Variants in MYO3B observed in about 807,000 individuals in gnomAD.
The protein encoded by MYO3B is myosin IIIB.
MYO3B carries 156 observed loss-of-function variants against 174.6 expected under a neutral mutation model. The ratio of observed to expected loss-of-function variants is 0.89; its 90% CI spans 0.78 to 1.02. The LOEUF (loss-of-function observed/expected upper bound fraction) is 1.02. Among genes scored for constraint, MYO3B ranks in the 50% least tolerant of loss-of-function variants. MYO3B has a pLI of 0.00. For synonymous variants in MYO3B, 563 were observed against 569.1 expected (o/e 0.99, Z 0.15); for missense variants, 1,632 against 1,639.4 (o/e 1.00, Z 0.08).
intron 9 of MYO3B, among the ~76,000 whole-genome samples, chr2:170,376,935 CTATT>C (rs2094297797): frequency 6.6e-6 from 1 of 152,264 alleles, no homozygotes; most frequent in South Asian, 2.1e-4. Context: ...GCACCTTTTT[CTATT>C]ACTTGTTCTT....
At chr2:170,541,510 A>G (rs898056362) in intron 30 of MYO3B, among the ~76,000 whole-genome samples, 2 of 152,242 alleles carry the variant, frequency 1.3e-5, no homozygotes, top group Non-Finnish European at 2.9e-5. Flanking sequence ...TATCTGTATG[A>G]TAGATACAAT....
intron 32 of MYO3B, among the ~76,000 whole-genome samples, chr2:170,545,115 T>C (rs908713654): frequency 2.0e-5 from 3 of 152,234 alleles, no homozygotes; most frequent in African/African-American, 7.2e-5. Flanking sequence ...TTTCTATTTG[T>C]CCTATCTAGT....
At chr2:170,496,622 TATA>T (rs1234128889) in intron 25 of MYO3B, among the ~76,000 whole-genome samples, 1 of 148,292 alleles carries the variant, frequency 6.7e-6, no homozygotes, top group Non-Finnish European at 1.5e-5. Context: ...ATATAATATA[TATA>T]ATACATATTT....
rs191464396 is a variant in MYO3B, at chr2:170,434,670, G to T, written c.2651-9297G>T. Among the ~76,000 whole-genome samples, 13 of 152,310 alleles carry T rather than the reference G, an allele frequency of 8.5e-5. No homozygotes were observed. In the East Asian group the frequency reaches 1.5e-3, roughly 18 times the overall value. On this transcript the variant is annotated intron_variant, in intron 22 of 34. Coordinates refer to ENST00000408978, the MANE Select transcript of MYO3B (RefSeq NM_138995.5). ...AGGGTGGAGTAGGTAATTGAAAAAG[G>T]TTGCTTTACGAGGAAGTTAAGTTTA...
chr2:170,182,051 A>G (rs2092406990), intron 1 of MYO3B, among the ~76,000 whole-genome samples: 1 of 152,082 alleles, frequency 6.6e-6, no homozygotes, highest in African/African-American at 2.4e-5. Flanking sequence ...CTCTTGATAG[A>G]AAATTAGCTC....
intron 14 of MYO3B, among the ~76,000 whole-genome samples, chr2:170,389,369 G>A (rs978476979): frequency 4.6e-5 from 7 of 152,178 alleles, no homozygotes; most frequent in African/African-American, 1.7e-4. Context: ...GATGGGGGCT[G>A]CTCTGCCAGC....
At chr2:170,639,800 A>G (rs899578959) in intron 32 of MYO3B, among the ~76,000 whole-genome samples, 1 of 152,158 alleles carries the variant, frequency 6.6e-6, no homozygotes, top group Non-Finnish European at 1.5e-5. Flanking sequence ...ACTGAACAGC[A>G]CTGTACCTCT....
chr2:170,285,325 A>G (rs1043515225), intron 7 of MYO3B, among the ~76,000 whole-genome samples: 4 of 151,850 alleles, frequency 2.6e-5, no homozygotes, highest in African/African-American at 7.3e-5. Flanking sequence ...CAGGATACTA[A>G]CATTTTATAT....
chr2:170,607,784 C>T (rs993285561), intron 32 of MYO3B, among the ~76,000 whole-genome samples: 9 of 152,122 alleles, frequency 5.9e-5, no homozygotes, highest in African/African-American at 2.2e-4. Flanking sequence ...GGTAAAAATA[C>T]CTACATTAGT....
At chr2:170,420,314 G>C (rs2094606513) in intron 22 of MYO3B, among the ~76,000 whole-genome samples, 1 of 152,182 alleles carries the variant, frequency 6.6e-6, no homozygotes, top group African/African-American at 2.4e-5. Flanking sequence ...CGGTTAAGGA[G>C]CTGCCATCTT....
intron 25 of MYO3B, among the ~76,000 whole-genome samples, chr2:170,478,889 T>TACACACACAC (rs143792197): frequency 0.016 from 2,186 of 137,270 alleles, 58 homozygotes; most frequent in African/African-American, 0.055. Context: ...AGGTTTTACA[T>TACACACACAC]ACACACACAC....
At chr2:170,307,578 G>C (rs1458070287) in intron 7 of MYO3B, among the ~76,000 whole-genome samples, 1 of 152,156 alleles carries the variant, frequency 6.6e-6, no homozygotes, top group Non-Finnish European at 1.5e-5. Context: ...GCCTTGAAGT[G>C]TTGCAGGACA....
chr2:170,411,329 T>C (rs565230765), intron 22 of MYO3B, among the ~76,000 whole-genome samples: 1 of 152,204 alleles, frequency 6.6e-6, no homozygotes, highest in East Asian at 1.9e-4. Context: ...ATAGAGTTCT[T>C]ACACAAACCT....
intron 32 of MYO3B, among the ~76,000 whole-genome samples, chr2:170,628,771 T>A (rs1696687138): frequency 6.6e-6 from 1 of 152,168 alleles, no homozygotes; most frequent in Admixed American, 6.5e-5. Context: ...TTACCAACAA[T>A]GGTCCATACA....
Position 170,570,253 on chromosome 2 carries a change from T to G in MYO3B, c.3733+26265T>G, listed in dbSNP as rs527661131. ...CTTTGCCCATCTGCTGTAACAAGAC[T>G]AAGTAAGGAAATGATGTTTAGAGGG... is the stretch of plus-strand genomic sequence containing the variant. On this transcript the variant is annotated intron_variant, in intron 32 of 34. Transcript: ENST00000408978. Among the ~76,000 whole-genome samples the G allele has an allele frequency of 2.0e-3, 308 of 152,300 alleles. 3 individuals carry two copies. Among genetic ancestry groups the G allele is most frequent in the Non-Finnish European group, 2.4e-3 (161 of 68,018 alleles).
chr2:170,534,486 C>CT (rs1444977078), intron 30 of MYO3B, among the ~76,000 whole-genome samples: 4 of 152,120 alleles, frequency 2.6e-5, no homozygotes, highest in African/African-American at 9.7e-5. Flanking sequence ...CACTCTGTCA[C>CT]CCAGGCTGGA....
intron 1 of MYO3B, among the ~76,000 whole-genome samples, chr2:170,190,203 CTCTG>C (rs1445069894): frequency 6.6e-6 from 1 of 152,146 alleles, no homozygotes; most frequent in East Asian, 1.9e-4. Flanking sequence ...CAAACAGAGT[CTCTG>C]TCTCTCTCTT....
In MYO3B at chr2:170,412,749, G is replaced by C. The variant is rs76870758; in HGVS notation, c.2650+4905G>C. On this transcript the variant is annotated intron_variant, in intron 22 of 34. Transcript: ENST00000408978. ...CCACTTATGGCTGTTGGTCTATCCT[G>C]ATAGTTTAGCAAAAGGGTCTAGCAG... 0.019 allele frequency among the ~76,000 whole-genome samples: 2,821 copies of C among 152,260 alleles called. 149 individuals are homozygous for C. In the East Asian group the frequency reaches 0.23, roughly 13 times the overall value.
chr2:170,642,227 C>T (rs1575324771), intron 32 of MYO3B, among the ~76,000 whole-genome samples: 1 of 152,270 alleles, frequency 6.6e-6, no homozygotes, highest in South Asian at 2.1e-4. Context: ...ATTCATTCGT[C>T]ATTTGTTGAG....
Sources: gnomAD v4.1 joint callset for allele counts (sites outside exome capture counted in the v4.1 genomes callset) on GRCh38, gnomAD v4.1.1 for gene constraint, MANE v1.5 for transcripts, NCBI Gene and HGNC (gene_info 2026-07-23, HGNC 2026-07-21) for gene names.